KLF12: variants seen among roughly 807,000 people sequenced by gnomAD.
The protein encoded by KLF12 is KLF transcription factor 12, also known as Krueppel-like factor 12.
A neutral mutation model predicts 37.8 loss-of-function variants in KLF12; 9 were observed. The observed-to-expected ratio is 0.24, with a 90% CI of 0.14 to 0.42. KLF12 has a LOEUF of 0.42. KLF12 is among the 10% of genes least tolerant of loss of function. The pLI is 1.00. For missense variants in KLF12, 411 were observed against 516.0 expected (o/e 0.80, Z 1.97); for synonymous variants, 208 against 202.1 (o/e 1.03, Z -0.25).
At chr13:73,835,006 G>T (rs891728128) in intron 4 of KLF12, among the ~76,000 whole-genome samples, 3 of 150,572 alleles carry the variant, frequency 2.0e-5, no homozygotes, top group Admixed American at 1.3e-4. Flanking sequence ...TATTTCCACT[G>T]AATAGAGTCA....
chr13:73,930,150 T>C (rs183079159), intron 3 of KLF12, among the ~76,000 whole-genome samples: 67 of 152,312 alleles, frequency 4.4e-4, no homozygotes, highest in African/African-American at 1.4e-3. Flanking sequence ...TAGCAAGACA[T>C]TGTTTAGGGA....
chr13:73,961,876 A>T (rs1020540854), intron 2 of KLF12: 8 of 393,242 alleles, frequency 2.0e-5, no homozygotes, highest in Non-Finnish European at 4.0e-5. Context: ...GAGCAACAGG[A>T]ACTCTCATTT....
chr13:73,765,344 C>T (rs1879840072), intron 5 of KLF12, among the ~76,000 whole-genome samples: 1 of 152,126 alleles, frequency 6.6e-6, no homozygotes, highest in African/African-American at 2.4e-5. Context: ...GGTATGGTGC[C>T]TGAGTTCAGT....
chr13:73,913,586 C>T (rs764308979), intron 3 of KLF12, among the ~76,000 whole-genome samples: 3 of 152,218 alleles, frequency 2.0e-5, no homozygotes, highest in Non-Finnish European at 2.9e-5. Context: ...GAGTATACTG[C>T]TCCTCTCACA....
intron 1 of KLF12, among the ~76,000 whole-genome samples, chr13:74,059,639 T>C (rs962781526): frequency 2.0e-5 from 3 of 152,218 alleles, no homozygotes; most frequent in Non-Finnish European, 2.9e-5. Context: ...GAGTTTTTTT[T>C]CTTGTTGAAT....
chr13:74,212,840 T>C, the KLF12 span, among the ~76,000 whole-genome samples: 4 of 151,754 alleles, frequency 2.6e-5, no homozygotes, highest in Non-Finnish European at 4.4e-5. Flanking sequence ...AATTTAAACA[T>C]AAATTATGTG....
intron 1 of KLF12, among the ~76,000 whole-genome samples, chr13:74,117,721 G>A (rs1304371474): frequency 2.0e-5 from 3 of 152,140 alleles, no homozygotes; most frequent in Admixed American, 1.3e-4. Context: ...ACTGAGAAGG[G>A]TTCGTCACCT....
At chr13:73,705,203 C>T (rs1874846510) in intron 7 of KLF12, among the ~76,000 whole-genome samples, 1 of 152,144 alleles carries the variant, frequency 6.6e-6, no homozygotes. Context: ...AAATATATCT[C>T]TTACAATTGT....
rs71704208 is a variant in KLF12, at chr13:73,774,283, T to TAC, written c.807-9285_807-9284dup. Among the ~76,000 whole-genome samples the TAC allele has an allele frequency of 7.5e-3, 1,094 of 145,354 alleles. 10 individuals are homozygous for TAC. Among genetic ancestry groups the TAC allele is most frequent in the African/African-American group, 0.02 (793 of 39,484 alleles). ...TATACATATACAAACTATATATATA[T>TAC]ACACACACACACACACACATCTATA... On this transcript the variant is annotated intron_variant, in intron 5 of 7. Transcript: ENST00000377669.
intron 1 of KLF12, among the ~76,000 whole-genome samples, chr13:74,058,174 C>T (rs1261702472): frequency 6.6e-6 from 1 of 151,302 alleles, no homozygotes; most frequent in Admixed American, 6.6e-5. Context: ...GCCATGTTGG[C>T]CAGGCTGGTC....
At chr13:74,032,406 C>T (rs1566511255) in intron 1 of KLF12, among the ~76,000 whole-genome samples, 2 of 152,148 alleles carry the variant, frequency 1.3e-5, no homozygotes, top group African/African-American at 4.8e-5. Context: ...TCTCACTTTA[C>T]TTTAATTCCT....
chr13:73,736,935 C>T (rs933236862), intron 6 of KLF12, among the ~76,000 whole-genome samples: 5 of 152,102 alleles, frequency 3.3e-5, no homozygotes, highest in African/African-American at 1.2e-4. Context: ...AAATTTAGAG[C>T]CATAAATGAA....
At chr13:74,044,268 T>C (rs1893481770) in intron 1 of KLF12, among the ~76,000 whole-genome samples, 2 of 151,822 alleles carry the variant, frequency 1.3e-5, no homozygotes, top group Non-Finnish European at 1.5e-5. Context: ...TCCTCATCTG[T>C]AAAATGGGAT....
intron 4 of KLF12, among the ~76,000 whole-genome samples, chr13:73,833,912 C>T (rs992480474): frequency 2.6e-5 from 4 of 152,240 alleles, no homozygotes; most frequent in African/African-American, 9.6e-5. Context: ...AGGGTTCAGA[C>T]TGCACGTCTA....
the KLF12 span, chr13:74,259,756 A>G: frequency 6.6e-6 from 1 of 152,074 alleles, no homozygotes; most frequent in South Asian, 2.1e-4. Context: ...TCTGATCCCC[A>G]TGATTAGGAT....
intron 1 of KLF12, among the ~76,000 whole-genome samples, chr13:74,018,616 T>C (rs943411888): frequency 6.6e-6 from 1 of 152,186 alleles, no homozygotes; most frequent in Non-Finnish European, 1.5e-5. Context: ...ATAGGTAACA[T>C]CTTCAATAAA....
intron 6 of KLF12, among the ~76,000 whole-genome samples, chr13:73,756,209 T>C (rs1469033689): frequency 1.3e-5 from 2 of 152,206 alleles, no homozygotes; most frequent in Non-Finnish European, 2.9e-5. Flanking sequence ...TAATTTAGCA[T>C]AAGTGAGAAA....
At chr13:74,200,814 A>G in the KLF12 span, among the ~76,000 whole-genome samples, 1 of 152,108 alleles carries the variant, frequency 6.6e-6, no homozygotes, top group African/African-American at 2.4e-5. Context: ...TCAGTTTTTT[A>G]ATTGCAAACC....
chr13:73,882,691 A>G (rs1358486410), intron 3 of KLF12, among the ~76,000 whole-genome samples: 2 of 152,224 alleles, frequency 1.3e-5, no homozygotes, highest in Non-Finnish European at 2.9e-5. Context: ...TATTTGATCC[A>G]TAAGAGCCAA....
Sources: gnomAD v4.1 joint callset for allele counts (sites outside exome capture counted in the v4.1 genomes callset) on GRCh38, gnomAD v4.1.1 for gene constraint, MANE v1.5 for transcripts, NCBI Gene and HGNC (gene_info 2026-07-23, HGNC 2026-07-21) for gene names.